Variants in EPHA4 observed in about 807,000 individuals in gnomAD.
EPHA4 encodes the protein EPH receptor A4, also known as ephrin type-A receptor 4.
EPHA4 carries 19 observed loss-of-function variants against 108.3 expected under a neutral mutation model. The ratio of observed to expected loss-of-function variants is 0.18; its 90% CI spans 0.12 to 0.26. EPHA4 has a LOEUF of 0.26. Ranked by LOEUF, EPHA4 falls within the 10% of genes least tolerant of loss-of-function variation. The probability of loss-of-function intolerance (pLI) is 1.00; values close to 1 mark genes in which losing one functional copy is unlikely to be tolerated. For synonymous variants in EPHA4, 449 were observed against 455.5 expected, an observed-to-expected ratio of 0.99 and a Z score of 0.18; for missense variants, 917 against 1,254.0, an observed-to-expected ratio of 0.73 and a Z score of 4.06.
At position 221,567,009 on chromosome 2, in the gene EPHA4, G is replaced by GAAGAAGAAGAAGAAGAAGAAA. The variant is rs750697580; in HGVS notation, c.159+1708_159+1709insTTTCTTCTTCTTCTTCTTCTT. Among the ~76,000 whole-genome samples, 12 of 112,624 alleles carry GAAGAAGAAGAAGAAGAAGAAA rather than the reference G, an allele frequency of 1.1e-4. 1 individual carries two copies. Among genetic ancestry groups the GAAGAAGAAGAAGAAGAAGAAA allele is most frequent in the Non-Finnish European group, 1.8e-4 (9 of 50,308 alleles). 73.9% of individuals were successfully genotyped at this position (112,624 alleles called of 152,430 possible). ...AGAAGAAGAAGAAGAAGAAGAAGAA[G>GAAGAAGAAGAAGAAGAAGAAA]AAAAAAATGTCTGCAGCATATTAAA... is the stretch of plus-strand genomic sequence containing the variant. On this transcript the variant is annotated intron_variant, in intron 2 of 17. Coordinates refer to ENST00000281821, the MANE Select transcript of EPHA4 (RefSeq NM_004438.5).
At chr2:221,456,087 C>A (rs2106117333) in intron 7 of EPHA4, among the ~76,000 whole-genome samples, 1 of 151,958 alleles carries the variant, frequency 6.6e-6, no homozygotes, top group African/African-American at 2.4e-5. Flanking sequence ...CATGGGTAGA[C>A]CCCTCTTAAG....
chr2:221,440,056 T>C (rs1317503884), intron 11 of EPHA4, among the ~76,000 whole-genome samples: 1 of 152,068 alleles, frequency 6.6e-6, no homozygotes, highest in African/African-American at 2.4e-5. Context: ...GAAACAAAGA[T>C]GAATGTCTCC....
chr2:221,562,873 G>A (rs1336164004), intron 3 of EPHA4, among the ~76,000 whole-genome samples: 1 of 152,058 alleles, frequency 6.6e-6, no homozygotes, highest in East Asian at 1.9e-4. Flanking sequence ...TGACAGGAAG[G>A]GGTAAAAAAG....
chr2:221,538,511 C>G (rs1423104143), intron 3 of EPHA4, among the ~76,000 whole-genome samples: 1 of 152,184 alleles, frequency 6.6e-6, no homozygotes, highest in Non-Finnish European at 1.5e-5. Context: ...GATAAAAACT[C>G]AAAGCTCTCT....
intron 4 of EPHA4, among the ~76,000 whole-genome samples, chr2:221,490,549 CA>C (rs1385685555): frequency 1.3e-5 from 2 of 152,204 alleles, no homozygotes; most frequent in African/African-American, 4.8e-5. Flanking sequence ...AATGCTAAGG[CA>C]ACCAGTCCAA....
chr2:221,488,432 C>T (rs982196511), intron 4 of EPHA4, among the ~76,000 whole-genome samples: 2 of 152,144 alleles, frequency 1.3e-5, no homozygotes, highest in African/African-American at 2.4e-5. Context: ...TAAAATGAGA[C>T]ATATGGCTTA....
intron 3 of EPHA4, among the ~76,000 whole-genome samples, chr2:221,530,005 G>C (rs558399576): frequency 6.6e-6 from 1 of 152,140 alleles, no homozygotes; most frequent in African/African-American, 2.4e-5. Flanking sequence ...TATTTCAAGT[G>C]TTATGTTAAC....
chr2:221,561,075 T>C (rs1574660663), intron 3 of EPHA4, among the ~76,000 whole-genome samples: 1 of 152,214 alleles, frequency 6.6e-6, no homozygotes. Flanking sequence ...ACCCCGTCTC[T>C]ACTAAAAATA....
intron 5 of EPHA4, among the ~76,000 whole-genome samples, chr2:221,461,832 T>TAC (rs1362427867): frequency 6.6e-6 from 1 of 152,168 alleles, no homozygotes; most frequent in East Asian, 1.9e-4. Context: ...AGACGATTCC[T>TAC]ACTGCCCCTC....
intron 5 of EPHA4, among the ~76,000 whole-genome samples, chr2:221,461,777 T>C (rs1268509358): frequency 6.6e-6 from 1 of 152,072 alleles, no homozygotes; most frequent in Non-Finnish European, 1.5e-5. Flanking sequence ...AAAAAACACT[T>C]TCTAATGTCA....
intron 5 of EPHA4, among the ~76,000 whole-genome samples, chr2:221,460,987 C>T (rs1449246087): frequency 6.6e-6 from 1 of 152,052 alleles, no homozygotes; most frequent in African/African-American, 2.4e-5. Context: ...TCAATGAAAC[C>T]CTATAATTAC....
At chr2:221,555,661 G>A (rs1043365497) in intron 3 of EPHA4, among the ~76,000 whole-genome samples, 1 of 152,140 alleles carries the variant, frequency 6.6e-6, no homozygotes, top group Non-Finnish European at 1.5e-5. Context: ...GCTGTAACAG[G>A]ATACAGGGAG....
intron 3 of EPHA4, among the ~76,000 whole-genome samples, chr2:221,547,212 G>T (rs1312335825): frequency 1.3e-5 from 2 of 152,084 alleles, no homozygotes; most frequent in African/African-American, 2.4e-5. Context: ...TTCTGTAAAC[G>T]TTTAACAAAT....
chr2:221,524,995 A>G (rs2106177644), intron 3 of EPHA4, among the ~76,000 whole-genome samples: 1 of 152,128 alleles, frequency 6.6e-6, no homozygotes, highest in East Asian at 1.9e-4. Context: ...GGAGAGAGAA[A>G]AAAAGAGGCA....
chr2:221,485,751 G>C (rs1448319222), intron 4 of EPHA4, among the ~76,000 whole-genome samples: 1 of 151,976 alleles, frequency 6.6e-6, no homozygotes, highest in Non-Finnish European at 1.5e-5. Context: ...TTAAAGGGAG[G>C]GCCCATCTCC....
intron 3 of EPHA4, among the ~76,000 whole-genome samples, chr2:221,518,008 T>A (rs1166471705): frequency 6.6e-6 from 1 of 152,180 alleles, no homozygotes; most frequent in East Asian, 1.9e-4. Context: ...GTTATGAGGT[T>A]TCAGGTTGAC....
chr2:221,502,970 G>T (rs925507972), intron 3 of EPHA4, among the ~76,000 whole-genome samples: 1 of 152,158 alleles, frequency 6.6e-6, no homozygotes, highest in Admixed American at 6.6e-5. Context: ...GGTTCAACTT[G>T]CAAGGTGCTT....
intron 15 of EPHA4, among the ~76,000 whole-genome samples, chr2:221,427,398 G>A (rs995275130): frequency 3.9e-5 from 6 of 152,160 alleles, no homozygotes; most frequent in African/African-American, 1.4e-4. Context: ...ACTGTCACAA[G>A]CAATTACAGG....
intron 5 of EPHA4, among the ~76,000 whole-genome samples, chr2:221,479,722 C>T (rs941507119): frequency 3.3e-5 from 5 of 152,214 alleles, no homozygotes; most frequent in African/African-American, 1.2e-4. Flanking sequence ...ATCCTGATGA[C>T]TTGAATTAGA....
Sources: gnomAD v4.1 joint callset for allele counts (sites outside exome capture counted in the v4.1 genomes callset) on GRCh38, gnomAD v4.1.1 for gene constraint, MANE v1.5 for transcripts, NCBI Gene and HGNC (gene_info 2026-07-23, HGNC 2026-07-21) for gene names.